The following STARD13 variants were observed in gnomAD, a reference collection of about 807,000 sequenced individuals.
STARD13 encodes StAR related lipid transfer domain containing 13.
In STARD13, 62 loss-of-function variants were observed where a neutral mutation model predicts 106.4. The ratio of observed to expected loss-of-function variants is 0.58; its 90% CI spans 0.48 to 0.72. The LOEUF is 0.72. Among genes scored for constraint, STARD13 ranks in the 30% least tolerant of loss-of-function variants. The pLI, the probability that STARD13 is intolerant of heterozygous loss-of-function variation, is 0.00. For missense variants in STARD13, 1,387 were observed against 1,424.0 expected, an observed-to-expected ratio of 0.97 and a Z score of 0.42; for synonymous variants, 565 against 553.0, an observed-to-expected ratio of 1.02 and a Z score of -0.31.
At chr13:33,260,832 T>C (rs1890604654) in intron 1 of STARD13, among the ~76,000 whole-genome samples, 1 of 152,208 alleles carries the variant, frequency 6.6e-6, no homozygotes, top group South Asian at 2.1e-4. Flanking sequence ...AAAACGTAAG[T>C]GTTTCTGAAT....
the STARD13 span, among the ~76,000 whole-genome samples, chr13:33,479,801 A>G: frequency 6.6e-6 from 1 of 152,048 alleles, no homozygotes; most frequent in Non-Finnish European, 1.5e-5. Flanking sequence ...TGGTTGTTTA[A>G]AAGTGTGTAG....
the STARD13 span, among the ~76,000 whole-genome samples, chr13:33,414,032 C>CAAAAAAA: frequency 0.023 from 1,113 of 48,072 alleles, 34 homozygotes; most frequent in African/African-American, 0.097. Context: ...GATTCCCTCT[C>CAAAAAAA]AAAAAAAAAA....
intron 1 of STARD13, among the ~76,000 whole-genome samples, chr13:33,268,398 G>T (rs1034305577): frequency 1.3e-5 from 2 of 152,158 alleles, no homozygotes; most frequent in African/African-American, 4.8e-5. Flanking sequence ...AGCAGAACTG[G>T]CCGTGTTGCT....
rs537986733 is a variant in STARD13, at chr13:33,298,936, T to C, written c.124+51354A>G. On this transcript the variant is annotated intron_variant, in intron 1 of 5. Transcript: ENST00000567873. ...CATAGAATAGCCTTACAATATTTTCTGAAGAGCTGATATTTACTTCAGCTT... is the reference window on the plus strand; with the variant it reads ...CATAGAATAGCCTTACAATATTTTCCGAAGAGCTGATATTTACTTCAGCTT... 2.6e-5 allele frequency among the ~76,000 whole-genome samples: 4 copies of C among 152,332 alleles called. No homozygotes were observed. The South Asian group carries it at 8.3e-4, about 32-fold the overall frequency.
intron 1 of STARD13, among the ~76,000 whole-genome samples, chr13:33,177,321 A>C (rs1884619125): frequency 6.6e-6 from 1 of 152,222 alleles, no homozygotes; most frequent in South Asian, 2.1e-4. Context: ...TCTAAACCTA[A>C]GATTTGAAAA....
At position 33,167,597 on chromosome 13, in the gene STARD13, G is replaced by A; in HGVS notation, c.195C>T (p.Asp65=). Reference sequence around the variant, plus strand: ...GCGGGAACCCGGCAGCACGGAGCCAGTCACATGCTTCTTTTGCCTCAATTT... The same window carrying A: ...GCGGGAACCCGGCAGCACGGAGCCAATCACATGCTTCTTTTGCCTCAATTT... ...QQEIEAKEAC[D]WLRAAGFPQY... The change falls in exon 2 of 14, where the codon GAC becomes GAT. Residue 65 remains aspartate (D), a synonymous_variant. Coordinates refer to ENST00000336934, the MANE Select transcript of STARD13 (RefSeq NM_178006.4). 1 of 1,614,158 alleles carries A rather than the reference G, an allele frequency of 6.2e-7. No individual in the cohort carries two copies. Among genetic ancestry groups the A allele is most frequent in the Non-Finnish European group, 8.5e-7 (1 of 1,180,012 alleles).
At chr13:33,392,066 G>A in the STARD13 span, among the ~76,000 whole-genome samples, 1 of 152,120 alleles carries the variant, frequency 6.6e-6, no homozygotes, top group Non-Finnish European at 1.5e-5. Flanking sequence ...AACAGAGAGA[G>A]AAATTCAGTT....
At chr13:33,676,276 G>T in the STARD13 span, among the ~76,000 whole-genome samples, 1 of 152,150 alleles carries the variant, frequency 6.6e-6, no homozygotes. Context: ...ACTGCCATTT[G>T]GTTACAGTTG....
downstream of STARD13, among the ~76,000 whole-genome samples, chr13:33,346,825 G>A (rs1214023610): frequency 6.6e-6 from 1 of 151,352 alleles, no homozygotes; most frequent in African/African-American, 2.4e-5. Flanking sequence ...TTTTAGTAGA[G>A]ATGGGGTTTC....
At chr13:33,592,212 A>T in the STARD13 span, among the ~76,000 whole-genome samples, 1 of 152,214 alleles carries the variant, frequency 6.6e-6, no homozygotes, top group African/African-American at 2.4e-5. Flanking sequence ...TCGATTTTCA[A>T]ATTCTGCCTT....
At chr13:33,245,054 A>T (rs1889752443) in intron 1 of STARD13, among the ~76,000 whole-genome samples, 1 of 152,212 alleles carries the variant, frequency 6.6e-6, no homozygotes, top group African/African-American at 2.4e-5. Flanking sequence ...AGTTCCAGAC[A>T]TGTCCAATTA....
At chr13:33,214,879 A>G (rs1332824475) in intron 1 of STARD13, among the ~76,000 whole-genome samples, 1 of 152,164 alleles carries the variant, frequency 6.6e-6, no homozygotes, top group African/African-American at 2.4e-5. Flanking sequence ...TTCAGATGCT[A>G]CTGATCTCCT....
the STARD13 span, among the ~76,000 whole-genome samples, chr13:33,575,833 C>A: frequency 6.6e-6 from 1 of 152,114 alleles, no homozygotes; most frequent in Non-Finnish European, 1.5e-5. Context: ...ATAAATTACC[C>A]AGTCTGAGGT....
the STARD13 span, among the ~76,000 whole-genome samples, chr13:33,402,829 G>A: frequency 6.6e-6 from 1 of 152,198 alleles, no homozygotes; most frequent in African/African-American, 2.4e-5. Flanking sequence ...AACTCCAGGG[G>A]AAGATCATCC....
At chr13:33,423,810 T>C in the STARD13 span, among the ~76,000 whole-genome samples, 1 of 152,200 alleles carries the variant, frequency 6.6e-6, no homozygotes, top group Non-Finnish European at 1.5e-5. Context: ...GGGATGAACC[T>C]GGAAACCATC....
At chr13:33,445,301 G>T in the STARD13 span, among the ~76,000 whole-genome samples, 1 of 152,092 alleles carries the variant, frequency 6.6e-6, no homozygotes, top group Non-Finnish European at 1.5e-5. Context: ...TTTATTATCT[G>T]CCCTTTACTT....
In STARD13 at chr13:33,189,332, A is replaced by G. The variant is rs1172990119; in HGVS notation, c.170-21710T>C. On this transcript the variant is annotated intron_variant, in intron 1 of 13. Transcript: ENST00000336934. ...AGAAAGAAGGAAAGGAGGAAGTGGG[A>G]ATGGCAGGAAGGAAGTCAGGAAAAG... 2.0e-5 allele frequency among the ~76,000 whole-genome samples: 3 copies of G among 150,444 alleles called. No individual in the cohort carries two copies. The East Asian group carries it at 5.9e-4, about 30-fold the overall frequency.
At chr13:33,606,185 T>C in the STARD13 span, among the ~76,000 whole-genome samples, 1 of 152,088 alleles carries the variant, frequency 6.6e-6, no homozygotes, top group African/African-American at 2.4e-5. Flanking sequence ...TCTGTAATCC[T>C]AGCTACTCAG....
At chr13:33,160,856 G>T (rs1882534070) in intron 3 of STARD13, among the ~76,000 whole-genome samples, 1 of 152,164 alleles carries the variant, frequency 6.6e-6, no homozygotes, top group South Asian at 2.1e-4. Flanking sequence ...GAAAAATTTG[G>T]TGGTTAATTA....
Sources: allele counts gnomAD v4.1 joint callset (sites outside exome capture counted in the v4.1 genomes callset), GRCh38; gene constraint gnomAD v4.1.1; transcripts MANE v1.5; gene names NCBI Gene and HGNC (gene_info 2026-07-23, HGNC 2026-07-21).